Variants in STX18 observed in about 807,000 individuals in gnomAD.
The protein encoded by STX18 is syntaxin-18.
In STX18, 40 loss-of-function variants were observed where a neutral mutation model predicts 50.1. The observed-to-expected ratio is 0.80, with a 90% CI of 0.62 to 1.04. The LOEUF is 1.04. Among genes scored for constraint, STX18 ranks in the 50% least tolerant of loss-of-function variants. The pLI is 0.00. For missense variants in STX18, 410 were observed against 415.8 expected (o/e 0.99, Z 0.12); for synonymous variants, 158 against 151.8 (o/e 1.04, Z -0.30).
intron 1 of STX18, among the ~76,000 whole-genome samples, chr4:4,509,331 CAT>C (rs1467705358): frequency 2.6e-5 from 4 of 151,956 alleles, no homozygotes; most frequent in African/African-American, 7.2e-5. Flanking sequence ...AGCTTTTTTT[CAT>C]ATGTTTGCTG....
intron 5 of STX18, among the ~76,000 whole-genome samples, chr4:4,456,980 C>A (rs1727110047): frequency 1.3e-5 from 2 of 152,150 alleles, no homozygotes; most frequent in African/African-American, 4.8e-5. Context: ...AGGGAGGAAA[C>A]AGTACCTGCC....
At position 4,439,955 on chromosome 4, in the gene STX18, A is replaced by G. The variant is rs73793301; in HGVS notation, c.498-1446T>C. On this transcript the variant is annotated intron_variant, in intron 5 of 10. Coordinates refer to ENST00000306200, the MANE Select transcript of STX18 (RefSeq NM_016930.4). ...ATCACAGTCTATAATCCCCCTGTTT[A>G]TTTATCTGTTGGTTGTCAGCCTTGC... is the stretch of plus-strand genomic sequence containing the variant. 7.8e-3 allele frequency among the ~76,000 whole-genome samples: 1,183 copies of G among 152,248 alleles called. 14 individuals are homozygous for G. Among genetic ancestry groups the G allele is most frequent in the African/African-American group, 0.027 (1,127 of 41,542 alleles).
intron 2 of STX18, among the ~76,000 whole-genome samples, chr4:4,461,081 G>A (rs143740290): frequency 1.5e-4 from 23 of 152,246 alleles, no homozygotes; most frequent in African/African-American, 4.8e-4. Context: ...AAGAACATTC[G>A]ATTAACATCC....
At chr4:4,494,017 T>C (rs1360769083) in intron 1 of STX18, among the ~76,000 whole-genome samples, 2 of 152,204 alleles carry the variant, frequency 1.3e-5, no homozygotes. Context: ...AGTACCTCCA[T>C]AAGCCCATAT....
intron 2 of STX18, among the ~76,000 whole-genome samples, chr4:4,468,966 A>C (rs1727766064): frequency 6.6e-6 from 1 of 152,218 alleles, no homozygotes; most frequent in Non-Finnish European, 1.5e-5. Context: ...AAAGGAACAA[A>C]CTACTGGTAT....
intron 1 of STX18, among the ~76,000 whole-genome samples, chr4:4,492,528 C>T (rs185666641): frequency 2.0e-3 from 310 of 152,186 alleles, no homozygotes; most frequent in African/African-American, 7.3e-3. Flanking sequence ...TTGACAATAA[C>T]AATTAGGAGA....
chr4:4,447,473 C>T (rs1726475379), intron 5 of STX18, among the ~76,000 whole-genome samples: 1 of 151,290 alleles, frequency 6.6e-6, no homozygotes, highest in Non-Finnish European at 1.5e-5. Context: ...CGCCTGTAGT[C>T]CCAGCTACTC....
intron 2 of STX18, among the ~76,000 whole-genome samples, chr4:4,464,247 TA>T (rs1242208710): frequency 6.6e-6 from 1 of 152,164 alleles, no homozygotes; most frequent in Non-Finnish European, 1.5e-5. Flanking sequence ...CAAATGGAGC[TA>T]GGGGAAGAGA....
Position 4,438,505 on chromosome 4 carries a change from T to G in STX18, c.502A>C (p.Lys168Gln). 6.2e-7 allele frequency: 1 copy of G among 1,606,864 alleles called. No individual in the cohort carries two copies. Among genetic ancestry groups the G allele is most frequent in the Non-Finnish European group, 8.5e-7 (1 of 1,176,708 alleles). The change falls in exon 6 of 11, where the codon AAG becomes CAG. Residue 168 changes from lysine (K) to glutamine (Q), a missense_variant. Physicochemically the swap from Lys to Gln is moderately conservative, Grantham distance 53. Coordinates refer to ENST00000306200, the MANE Select transcript of STX18 (RefSeq NM_016930.4). ...KRVVDKKRLS[K>Q]LEPEPNTKTR... is the part of the protein sequence containing the mutation. ...TTTGTATTTGGTTCTGGTTCCAGCT[T>G]AGATCTAAAAATAAATAATTAGCAG... is the stretch of plus-strand genomic sequence containing the variant.
At chr4:4,472,630 C>CT (rs1727979081) in intron 1 of STX18, among the ~76,000 whole-genome samples, 1 of 152,224 alleles carries the variant, frequency 6.6e-6, no homozygotes, top group Non-Finnish European at 1.5e-5. Flanking sequence ...ACACCACACT[C>CT]TTGGCACTCA....
At chr4:4,499,194 T>C (rs1729324180) in intron 1 of STX18, among the ~76,000 whole-genome samples, 1 of 152,196 alleles carries the variant, frequency 6.6e-6, no homozygotes, top group African/African-American at 2.4e-5. Context: ...CCATTTCAAA[T>C]TTGAAACACA....
At chr4:4,518,048 C>G (rs2108902273) in intron 1 of STX18, among the ~76,000 whole-genome samples, 1 of 152,330 alleles carries the variant, frequency 6.6e-6, no homozygotes, top group East Asian at 1.9e-4. Context: ...ACTGGGATTA[C>G]AGGCTTGAGC....
At chr4:4,447,872 G>C (rs572619168) in intron 5 of STX18, among the ~76,000 whole-genome samples, 1 of 152,286 alleles carries the variant, frequency 6.6e-6, no homozygotes, top group African/African-American at 2.4e-5. Context: ...GATGCAGACC[G>C]ATGGAGGAAC....
At chr4:4,425,123 G>T in intron 8 of STX18, 41 bp downstream of exon 8, 6 of 1,585,370 alleles carry the variant, frequency 3.8e-6, no homozygotes, top group Non-Finnish European at 5.2e-6. Flanking sequence ...TGGAAAAGTT[G>T]TAAAGCAGGC....
intron 2 of STX18, 26 bp downstream of exon 2, chr4:4,471,613 G>A: frequency 6.8e-7 from 1 of 1,479,118 alleles, no homozygotes. Context: ...AGTCACCAAA[G>A]TCCTGGTAAA....
chr4:4,419,931 T>A lies in STX18; in HGVS notation c.*103A>T. Reference sequence around the variant, plus strand: ...ACTCCTTTCCCTTCAAATGGCACTGTGATAAAATCTGGTCATACCATGCTC... The same window carrying A: ...ACTCCTTTCCCTTCAAATGGCACTGAGATAAAATCTGGTCATACCATGCTC... On this transcript the variant is annotated 3_prime_UTR_variant, in exon 11 of 11. Coordinates refer to ENST00000306200, the MANE Select transcript of STX18 (RefSeq NM_016930.4). 2.1e-6 allele frequency: 2 copies of A among 931,658 alleles called. No individual in the cohort carries two copies. Among genetic ancestry groups the A allele is most frequent in the Non-Finnish European group, 3.3e-6 (2 of 603,018 alleles). The allele number at this position is 931,658 out of a possible 1,614,324, so 57.7% of individuals were successfully genotyped here.
At chr4:4,452,616 G>C (rs1416521886) in intron 5 of STX18, among the ~76,000 whole-genome samples, 1 of 152,228 alleles carries the variant, frequency 6.6e-6, no homozygotes, top group African/African-American at 2.4e-5. Context: ...AGGACTGCTT[G>C]AGCCCAGGAG....
At chr4:4,474,879 A>C (rs1174964019) in intron 1 of STX18, among the ~76,000 whole-genome samples, 1 of 152,242 alleles carries the variant, frequency 6.6e-6, no homozygotes, top group Non-Finnish European at 1.5e-5. Context: ...GAACTATAAG[A>C]TAATAAATCT....
At chr4:4,446,816 T>C (rs968879255) in intron 5 of STX18, among the ~76,000 whole-genome samples, 8 of 152,034 alleles carry the variant, frequency 5.3e-5, no homozygotes, top group African/African-American at 1.7e-4. Context: ...AATGAAAAGA[T>C]AGATCCACAC....
Sources: allele counts gnomAD v4.1 joint callset (sites outside exome capture counted in the v4.1 genomes callset), GRCh38; gene constraint gnomAD v4.1.1; transcripts MANE v1.5; gene names NCBI Gene and HGNC (gene_info 2026-07-23, HGNC 2026-07-21).